The following AACS variants were observed in gnomAD, a reference collection of about 807,000 sequenced individuals.
AACS encodes acetoacetyl-CoA synthetase, also known as acetoacetate-CoA ligase.
AACS carries 69 observed loss-of-function variants against 83.1 expected under a neutral mutation model. The observed-to-expected ratio is 0.83, with a 90% CI of 0.68 to 1.01. AACS has a LOEUF of 1.01. Ranked by LOEUF, AACS falls within the 50% of genes least tolerant of loss-of-function variation. The pLI is 0.00. For synonymous variants in AACS, 333 were observed against 343.4 expected (o/e 0.97, Z 0.33); for missense variants, 866 against 882.2 (o/e 0.98, Z 0.23).
chr12:125,065,475 G>T lies in AACS; in HGVS notation c.-110G>T, dbSNP rs1407294043. On this transcript the variant is annotated 5_prime_UTR_variant, in exon 1 of 18. Transcript: ENST00000316519. ...GCCGCCGCCGTCGCTGACCCAGCCC[G>T]CCAGGCGCTCCTGACCGTCGCTTCC... 5 of 1,212,064 alleles carry T rather than the reference G, an allele frequency of 4.1e-6. No homozygotes were observed. The highest frequency in any genetic ancestry group is 4.3e-6 in the Non-Finnish European group (4 of 934,814). 75.1% of individuals were successfully genotyped at this position (1,212,064 alleles called of 1,614,324 possible).
intron 5 of AACS, 22 bp from the exon 6 acceptor site, chr12:125,102,657 G>A (rs1264198087): frequency 1.2e-6 from 2 of 1,609,916 alleles, no homozygotes; most frequent in Non-Finnish European, 8.5e-7. Flanking sequence ...GATCAATGAT[G>A]ACTTTTTCCT....
Position 125,065,815 on chromosome 12 carries a change from C to G in AACS, c.133+98C>G, listed in dbSNP as rs981408897. The G allele has an allele frequency of 2.7e-5, 38 of 1,383,014 alleles. No homozygotes were observed. The African/African-American group carries it at 5.7e-4, about 21-fold the overall frequency. 85.7% of individuals were successfully genotyped at this position (1,383,014 alleles called of 1,614,324 possible). Reference sequence around the variant, plus strand: ...CATGGCTAGTTTCACGCTTCTGGGGCTGGAGGAGCCACTTGATGGCGGGGA... The same window carrying G: ...CATGGCTAGTTTCACGCTTCTGGGGGTGGAGGAGCCACTTGATGGCGGGGA... On this transcript the variant is annotated intron_variant, in intron 1 of 17. Coordinates refer to ENST00000316519, the MANE Select transcript of AACS (RefSeq NM_023928.5).
Position 125,128,168 on chromosome 12 carries a change from C to T in AACS, c.1317C>T (p.Thr439=), listed in dbSNP as rs376926717. ...CTTTGCCATTGCTTGCAGGAGGCACCGACATCATCTCCTGCTTCATGGGCC... is the reference window on the plus strand; with the variant it reads ...CTTTGCCATTGCTTGCAGGAGGCACTGACATCATCTCCTGCTTCATGGGCC... ...SILLGSISGG[T]DIISCFMGHN... is the part of the protein sequence containing the mutation. Residue 439 remains threonine, a synonymous_variant, in exon 13 of 18, where the codon ACC becomes ACT. Coordinates refer to ENST00000316519, the MANE Select transcript of AACS (RefSeq NM_023928.5). The T allele has an allele frequency of 8.6e-5, 138 of 1,608,654 alleles. No homozygotes were observed. The highest frequency in any genetic ancestry group is 1.7e-4 in the Middle Eastern group (1 of 6,042).
At position 125,102,495 on chromosome 12, in the gene AACS, C is replaced by T. The variant is rs144267341; in HGVS notation, c.571-184C>T. On this transcript the variant is annotated intron_variant, in intron 5 of 17. Transcript: ENST00000316519. ...CCATTTTTTTTTTTAGAGACAGGGTCTCACTCGTGCCCAGGCTGGAATGCA... is the reference window on the plus strand; with the variant it reads ...CCATTTTTTTTTTTAGAGACAGGGTTTCACTCGTGCCCAGGCTGGAATGCA... The T allele has an allele frequency of 1.3e-3, 765 of 583,030 alleles. 8 individuals are homozygous for T. Among genetic ancestry groups the T allele is most frequent in the African/African-American group, 0.013 (681 of 53,066 alleles). 36.1% of individuals were successfully genotyped at this position (583,030 alleles called of 1,614,324 possible).
intron 1 of AACS, among the ~76,000 whole-genome samples, chr12:125,066,083 G>A (rs1955683069): frequency 6.6e-6 from 1 of 152,156 alleles, no homozygotes; most frequent in African/African-American, 2.4e-5. Flanking sequence ...CCGGACATAG[G>A]GCCTTTTTGA....
chr12:125,095,988 G>T (rs79963822), intron 5 of AACS, among the ~76,000 whole-genome samples: 1 of 152,030 alleles, frequency 6.6e-6, no homozygotes, highest in Non-Finnish European at 1.5e-5. Context: ...TTTCTGAGAC[G>T]GAGTCTCACT....
At chr12:125,109,885 T>C (rs1379975399) in intron 8 of AACS, among the ~76,000 whole-genome samples, 1 of 152,200 alleles carries the variant, frequency 6.6e-6, no homozygotes, top group African/African-American at 2.4e-5. Flanking sequence ...GATGCAGCTT[T>C]GGTGGGAACA....
At chr12:125,069,063 G>A (rs1344471704) in intron 1 of AACS, among the ~76,000 whole-genome samples, 4 of 151,972 alleles carry the variant, frequency 2.6e-5, no homozygotes, top group Non-Finnish European at 2.9e-5. Context: ...GGCTGGTCTC[G>A]AACTCCTGAC....
At chr12:125,078,909 G>A (rs1034895581) in intron 3 of AACS, among the ~76,000 whole-genome samples, 5 of 151,838 alleles carry the variant, frequency 3.3e-5, no homozygotes, top group South Asian at 4.2e-4. Flanking sequence ...GGGGCAAAGC[G>A]TGGTGGTTTA....
chr12:125,134,685 C>A, intron 15 of AACS, 109 bp from the exon 16 acceptor site: 2 of 1,234,832 alleles, frequency 1.6e-6, no homozygotes, highest in Non-Finnish European at 2.4e-6. Flanking sequence ...CGTGACTAGT[C>A]CTGGGGGATG....
At chr12:125,100,229 C>T (rs1046424780) in intron 5 of AACS, among the ~76,000 whole-genome samples, 1 of 152,226 alleles carries the variant, frequency 6.6e-6, no homozygotes, top group Non-Finnish European at 1.5e-5. Context: ...GTTGGGATTA[C>T]AGGCGCGAGC....
At chr12:125,125,818 CCATG>C (rs1957237914) in intron 12 of AACS, 2 of 141,270 alleles carry the variant, frequency 1.4e-5, no homozygotes, top group Non-Finnish European at 3.1e-5. Flanking sequence ...TGGCCATTGG[CCATG>C]ATGAGTGAAA....
Position 125,129,389 on chromosome 12 carries a change from G to T in AACS, c.1478G>T (p.Cys493Phe), listed in dbSNP as rs1231082923. 12 of 1,613,958 alleles carry T rather than the reference G, an allele frequency of 7.4e-6. No homozygotes were observed. Among genetic ancestry groups the T allele is most frequent in the Non-Finnish European group, 1.0e-5 (12 of 1,180,020 alleles). The change falls in exon 14 of 18, where the codon TGC becomes TTC. Residue 493 changes from cysteine to phenylalanine, a missense_variant. Cys to Phe is a radical substitution (Grantham distance 205, BLOSUM62 -2). Coordinates refer to ENST00000316519, the MANE Select transcript of AACS (RefSeq NM_023928.5). This position sits in a 1 kb window ranked among gnomAD's most constrained non-coding sequence, Gnocchi z 4.3. ...CTGGTGTGTACTAAGCCGATCCCTT[G>T]CCAGCCCACACACTTCTGGAACGAT... ...GELVCTKPIP[C>F]QPTHFWNDEN...
rs939901280 is a variant in AACS, at chr12:125,113,128, C to T, written c.916-1349C>T. Among the ~76,000 whole-genome samples, 5 of 152,158 alleles carry T rather than the reference C, an allele frequency of 3.3e-5. No homozygotes were observed. Among genetic ancestry groups the T allele is most frequent in the African/African-American group, 4.8e-5 (2 of 41,438 alleles). On this transcript the variant is annotated intron_variant, in intron 8 of 17. Coordinates refer to ENST00000316519, the MANE Select transcript of AACS (RefSeq NM_023928.5). The surrounding 1 kb of genome is among the most constrained non-coding windows in gnomAD (Gnocchi z 4.8). ...GCGGTTGCCTGTTTGGGATGGACTC[C>T]GGAATAGGAGTTTTGGCTCCTGAAT...
chr12:125,101,762 C>CTTTTTTTTTTT (rs11407276), intron 5 of AACS: 2 of 104,184 alleles, frequency 1.9e-5, no homozygotes, highest in African/African-American at 3.9e-5. Context: ...CTTTGATCAA[C>CTTTTTTTTTTT]TTTTTTTTTT....
At position 125,065,650 on chromosome 12, in the gene AACS, CAGTA is replaced by C. The variant is rs1955667823; in HGVS notation, c.69_72del (p.Ser23ArgfsTer104). On this transcript the variant is annotated frameshift_variant, in exon 1 of 18. Coordinates refer to ENST00000316519, the MANE Select transcript of AACS (RefSeq NM_023928.5). LOFTEE classifies it high-confidence loss of function. ...AGTGCCAGGTGATGTGGGAGCCTGA[CAGTA>C]AGAAGAACACGCAGATGGACCGCTT... The C allele has an allele frequency of 2.6e-6, 4 of 1,546,744 alleles. No individual in the cohort carries two copies. Among genetic ancestry groups the C allele is most frequent in the Admixed American group, 2.0e-5 (1 of 50,630 alleles).
chr12:125,081,292 C>CAG (rs1956177587), intron 3 of AACS, among the ~76,000 whole-genome samples: 1 of 152,258 alleles, frequency 6.6e-6, no homozygotes, highest in Non-Finnish European at 1.5e-5. Flanking sequence ...CCACGCCTAG[C>CAG]AGAGCCCCTT....
intron 4 of AACS, among the ~76,000 whole-genome samples, chr12:125,090,518 A>G (rs1956457902): frequency 6.6e-6 from 1 of 151,282 alleles, no homozygotes; most frequent in African/African-American, 2.4e-5. Flanking sequence ...CCATCTCTCC[A>G]TCCACTCATC....
intron 4 of AACS, among the ~76,000 whole-genome samples, chr12:125,088,342 C>T (rs1166540666): frequency 6.6e-6 from 1 of 151,802 alleles, no homozygotes; most frequent in Non-Finnish European, 1.5e-5. Flanking sequence ...AAGGGATCCT[C>T]CTACCTCAGC....
Sources: allele counts gnomAD v4.1 joint callset (sites outside exome capture counted in the v4.1 genomes callset), GRCh38; gene constraint gnomAD v4.1.1; non-coding constraint Gnocchi (gnomAD v3.1); transcripts MANE v1.5; gene names NCBI Gene and HGNC (gene_info 2026-07-23, HGNC 2026-07-21).